RNLS: variants seen among roughly 807,000 people sequenced by gnomAD.
RNLS encodes renalase.
In RNLS, 39 loss-of-function variants were observed where a neutral mutation model predicts 39.8. That is an observed-to-expected ratio of 0.98 (90% CI 0.76 to 1.28). RNLS has a LOEUF of 1.28. RNLS is among the 50% of genes most tolerant of loss of function. The probability of loss-of-function intolerance (pLI) is 0.00; values close to 1 mark genes in which losing one functional copy is unlikely to be tolerated. For synonymous variants in RNLS, 147 were observed against 150.7 expected (o/e 0.98, Z 0.18); for missense variants, 410 against 413.3 (o/e 0.99, Z 0.07).
intron 4 of RNLS, among the ~76,000 whole-genome samples, chr10:88,444,586 G>A (rs1046036462): frequency 3.3e-5 from 5 of 152,092 alleles, no homozygotes; most frequent in Non-Finnish European, 5.9e-5. Flanking sequence ...AAAATTAGAC[G>A]AATGGCTAAC....
At chr10:88,566,225 T>G (rs1248338904) in intron 4 of RNLS, among the ~76,000 whole-genome samples, 2 of 151,876 alleles carry the variant, frequency 1.3e-5, no homozygotes, top group Non-Finnish European at 2.9e-5. Context: ...CTTTCCAAGT[T>G]AAAAATATTT....
intron 4 of RNLS, among the ~76,000 whole-genome samples, chr10:88,500,985 T>C (rs1403759421): frequency 1.3e-5 from 2 of 149,960 alleles, no homozygotes; most frequent in African/African-American, 2.4e-5. Flanking sequence ...ATCTATATAT[T>C]TATGTATATA....
chr10:88,463,082 A>G (rs1843015562), intron 4 of RNLS, among the ~76,000 whole-genome samples: 2 of 152,076 alleles, frequency 1.3e-5, no homozygotes, highest in South Asian at 4.1e-4. Flanking sequence ...TAAACAAAGC[A>G]TTAATCTTTT....
intron 4 of RNLS, among the ~76,000 whole-genome samples, chr10:88,541,394 A>T (rs1387498562): frequency 6.6e-6 from 1 of 152,174 alleles, no homozygotes; most frequent in African/African-American, 2.4e-5. Flanking sequence ...CTTGGCCATG[A>T]TCTGAAATTA....
the RNLS span, among the ~76,000 whole-genome samples, chr10:88,268,352 T>C: frequency 6.6e-6 from 1 of 152,170 alleles, no homozygotes; most frequent in African/African-American, 2.4e-5. Flanking sequence ...TCTCCATATA[T>C]TTCCCGATGC....
chr10:88,450,203 A>G (rs2133891291), intron 4 of RNLS, among the ~76,000 whole-genome samples: 1 of 152,322 alleles, frequency 6.6e-6, no homozygotes, highest in East Asian at 1.9e-4. Flanking sequence ...GAGAATGTCA[A>G]AAGATGGAAG....
intron 4 of RNLS, among the ~76,000 whole-genome samples, chr10:88,465,378 G>A (rs1222421401): frequency 6.6e-6 from 1 of 151,984 alleles, no homozygotes; most frequent in African/African-American, 2.4e-5. Flanking sequence ...CTAGCACTAG[G>A]GTTCCAACAA....
At chr10:88,353,597 C>G (rs983692130) in intron 5 of RNLS, among the ~76,000 whole-genome samples, 1 of 152,128 alleles carries the variant, frequency 6.6e-6, no homozygotes, top group African/African-American at 2.4e-5. Flanking sequence ...AATTTCTGTT[C>G]TTTTACATTT....
intron 5 of RNLS, among the ~76,000 whole-genome samples, chr10:88,336,089 G>A (rs904606290): frequency 6.6e-6 from 1 of 152,166 alleles, no homozygotes; most frequent in Admixed American, 6.5e-5. Context: ...ACTGGACAAA[G>A]CTATGACACA....
intron 4 of RNLS, among the ~76,000 whole-genome samples, chr10:88,448,324 C>T (rs1176919171): frequency 6.6e-6 from 1 of 152,158 alleles, no homozygotes; most frequent in Non-Finnish European, 1.5e-5. Context: ...ACAACCCCAT[C>T]AAAAAGTGGG....
intron 4 of RNLS, among the ~76,000 whole-genome samples, chr10:88,558,480 TAA>T (rs1281506136): frequency 6.6e-6 from 1 of 152,200 alleles, no homozygotes; most frequent in African/African-American, 2.4e-5. Context: ...CTGACACAAC[TAA>T]TTAGTTCCCC....
intron 5 of RNLS, among the ~76,000 whole-genome samples, chr10:88,345,721 T>C (rs577133905): frequency 1.3e-5 from 2 of 152,118 alleles, no homozygotes; most frequent in Non-Finnish European, 2.9e-5. Flanking sequence ...GGAGCCATTA[T>C]AGTTACAGTT....
At chr10:88,253,842 C>T in the RNLS span, among the ~76,000 whole-genome samples, 1 of 152,156 alleles carries the variant, frequency 6.6e-6, no homozygotes, top group African/African-American at 2.4e-5. Flanking sequence ...GGGCGTGGAC[C>T]TCAGCCAGTT....
chr10:88,464,863 A>C lies in RNLS; in HGVS notation c.527-102138T>G, dbSNP rs893429661. Among the ~76,000 whole-genome samples the C allele has an allele frequency of 4.6e-5, 7 of 152,234 alleles. No homozygotes were observed. The East Asian group carries it at 1.3e-3, about 29-fold the overall frequency. ...AATGCTGAAGACTGGCAATCCCCTGATACAAAATCAGAGTCAACCATGACA... is the reference window on the plus strand; with the variant it reads ...AATGCTGAAGACTGGCAATCCCCTGCTACAAAATCAGAGTCAACCATGACA... On this transcript the variant is annotated intron_variant, in intron 4 of 6. Coordinates refer to ENST00000331772, the MANE Select transcript of RNLS (RefSeq NM_001031709.3).
chr10:88,413,999 A>G (rs1237557747), intron 4 of RNLS, among the ~76,000 whole-genome samples: 2 of 152,174 alleles, frequency 1.3e-5, no homozygotes, highest in Non-Finnish European at 2.9e-5. Flanking sequence ...AACACTTTCT[A>G]TCTGAAGGTA....
At chr10:88,505,528 C>CAGGGGAGAGAGAA (rs1357774485) in intron 4 of RNLS, among the ~76,000 whole-genome samples, 2 of 147,892 alleles carry the variant, frequency 1.4e-5, no homozygotes, top group Non-Finnish European at 3.0e-5. Context: ...AGGAAGGATT[C>CAGGGGAGAGAGAA]AAGGAAGAGA....
At chr10:88,255,873 A>G in the RNLS span, among the ~76,000 whole-genome samples, 1 of 152,228 alleles carries the variant, frequency 6.6e-6, no homozygotes, top group African/African-American at 2.4e-5. Flanking sequence ...AGAAATGCCA[A>G]CCCAGTGGAG....
intron 6 of RNLS, among the ~76,000 whole-genome samples, chr10:88,294,926 G>GC (rs1163968290): frequency 2.0e-5 from 3 of 151,138 alleles, no homozygotes; most frequent in African/African-American, 7.3e-5. Context: ...TTGCTTTTCC[G>GC]CCCCCACCCT....
intron 4 of RNLS, among the ~76,000 whole-genome samples, chr10:88,483,578 T>C (rs532067024): frequency 5.3e-5 from 8 of 152,184 alleles, no homozygotes; most frequent in Non-Finnish European, 1.0e-4. Context: ...CCTTGTTTAC[T>C]TGAATAATTT....
Sources: allele counts gnomAD v4.1 joint callset (sites outside exome capture counted in the v4.1 genomes callset), GRCh38; gene constraint gnomAD v4.1.1; transcripts MANE v1.5; gene names NCBI Gene and HGNC (gene_info 2026-07-23, HGNC 2026-07-21).